The following ZGRF1 variants were observed in gnomAD, a reference collection of about 807,000 sequenced individuals.
The protein encoded by ZGRF1 is 5'-3' DNA helicase ZGRF1.
Under a neutral mutation model 203.5 loss-of-function variants are expected in ZGRF1, and 196 were observed. The ratio of observed to expected loss-of-function variants is 0.96; its 90% CI spans 0.86 to 1.08. The LOEUF is 1.08. Among genes scored for constraint, ZGRF1 ranks in the 50% least tolerant of loss-of-function variants. ZGRF1 has a pLI of 0.00. For missense variants in ZGRF1, 2,326 were observed against 2,416.3 expected (o/e 0.96, Z 0.78); for synonymous variants, 809 against 841.3 (o/e 0.96, Z 0.66).
At chr4:112,607,005 A>G (rs1486198739) in intron 8 of ZGRF1, among the ~76,000 whole-genome samples, 1 of 152,244 alleles carries the variant, frequency 6.6e-6, no homozygotes, top group African/African-American at 2.4e-5. Context: ...AACAGACCAG[A>G]GATAAAGTAG....
Position 112,589,884 on chromosome 4 carries a change from A to C in ZGRF1, c.2977-10T>G. 6.5e-7 allele frequency: 1 copy of C among 1,539,102 alleles called. No individual in the cohort carries two copies. The highest frequency in any genetic ancestry group is 8.7e-7 in the Non-Finnish European group (1 of 1,146,090). The stretch of plus-strand genomic sequence containing the variant: ...CTTCTGGTGATGTCACCTATACAGA[A>C]AGAAGAATCAAAACTACAGACCAAA... On this transcript the variant is annotated splice_polypyrimidine_tract_variant and intron_variant, in intron 10 of 27. Coordinates refer to ENST00000505019, the MANE Select transcript of ZGRF1 (RefSeq NM_018392.5).
Position 112,587,461 on chromosome 4 carries a change from G to C in ZGRF1, c.3596C>G (p.Ser1199Cys), listed in dbSNP as rs1377926723. Reference protein sequence around the residue: ...SDAVNESSLDSVHLQMIKGML... With the variant: ...SDAVNESSLDCVHLQMIKGML... ...GCCTTTTATCATTTGCAAATGCACA[G>C]AGTCTAAAGAGCTTTCATTGACAGC... is the stretch of plus-strand genomic sequence containing the variant. Residue 1199 changes from serine to cysteine, a missense_variant, in exon 12 of 28, where the codon TCT (serine) becomes TGT (cysteine). By Grantham distance (112) the Ser-to-Cys change is moderately radical. Transcript: ENST00000505019. 3.1e-6 allele frequency: 5 copies of C among 1,613,770 alleles called. No individual in the cohort carries two copies. The highest frequency in any genetic ancestry group is 2.2e-5 in the East Asian group (1 of 44,870).
At chr4:112,558,083 A>G (rs2148879369) in intron 20 of ZGRF1, 67 bp downstream of exon 20, 1 of 1,333,128 alleles carries the variant, frequency 7.5e-7, no homozygotes, top group East Asian at 2.5e-5. Context: ...CTCAGGGCCC[A>G]TAGTGGGTTG....
At chr4:112,614,019 ATT>A (rs779288254) in intron 6 of ZGRF1, among the ~76,000 whole-genome samples, 6 of 152,172 alleles carry the variant, frequency 3.9e-5, no homozygotes, top group Non-Finnish European at 7.4e-5. Context: ...GAAAATTGAT[ATT>A]GTTTTCCTTT....
intron 10 of ZGRF1, among the ~76,000 whole-genome samples, chr4:112,600,445 G>C (rs1749766243): frequency 6.6e-6 from 1 of 152,132 alleles, no homozygotes; most frequent in African/African-American, 2.4e-5. Context: ...TGTAATCCCA[G>C]TACTTTGGGA....
chr4:112,588,074 TTAA>T, intron 11 of ZGRF1, 145 bp from the exon 12 acceptor site: 1 of 536,640 alleles, frequency 1.9e-6, no homozygotes, highest in Non-Finnish European at 3.2e-6. Flanking sequence ...TAAAAAAAAA[TTAA>T]TGGTTTTAAC....
At chr4:112,591,766 T>G (rs538830510) in intron 10 of ZGRF1, among the ~76,000 whole-genome samples, 1 of 152,212 alleles carries the variant, frequency 6.6e-6, no homozygotes, top group Non-Finnish European at 1.5e-5. Flanking sequence ...TGTCATCTTA[T>G]CAGAGAGGCT....
In ZGRF1 at chr4:112,620,175, C is replaced by A; in HGVS notation, c.178G>T (p.Asp60Tyr). Reference sequence around the variant, plus strand: ...ATTAAGTATCGATCACTTTCTAAGTCATCTCCAGGTTTCACCTGAAAGAAT... The same window carrying A: ...ATTAAGTATCGATCACTTTCTAAGTAATCTCCAGGTTTCACCTGAAAGAAT... ...LKCLEVKPGD[D>Y]LESDRYLITV... Residue 60 changes from aspartate (D) to tyrosine (Y), a missense_variant, in exon 5 of 28, where the codon GAC becomes TAC. Asp to Tyr is a radical substitution (Grantham distance 160, BLOSUM62 -3). Coordinates refer to ENST00000505019, the MANE Select transcript of ZGRF1 (RefSeq NM_018392.5). 2 of 1,598,750 alleles carry A rather than the reference C, an allele frequency of 1.3e-6. No homozygotes were observed. Among genetic ancestry groups the A allele is most frequent in the South Asian group, 2.3e-5 (2 of 87,442 alleles).
chr4:112,617,212 T>G (rs560089157), intron 6 of ZGRF1, among the ~76,000 whole-genome samples: 2 of 152,358 alleles, frequency 1.3e-5, no homozygotes, highest in Admixed American at 6.5e-5. Context: ...TGGAAGGATA[T>G]TCTAGAAGAA....
chr4:112,585,614 T>C lies in ZGRF1; in HGVS notation c.4028A>G (p.Glu1343Gly). The change falls in exon 14 of 28, where the codon GAA (glutamate) becomes GGA (glycine). Residue 1343 changes from glutamate (E) to glycine (G), a missense_variant. Coordinates refer to ENST00000505019, the MANE Select transcript of ZGRF1 (RefSeq NM_018392.5). The part of the protein sequence containing the change: ...SLKGEKLKNA[E>G]NNVPSCHHSQ... ...ATGATGGCAGGATGGTACATTATTT[T>C]CTGCGTTTTTCAGTTTCTCTCCCTT... is the stretch of plus-strand genomic sequence containing the variant. 6.2e-7 allele frequency: 1 copy of C among 1,612,872 alleles called. No individual in the cohort carries two copies. The highest frequency in any genetic ancestry group is 8.5e-7 in the Non-Finnish European group (1 of 1,179,502).
At chr4:112,547,849 A>G (rs1422398913) in intron 23 of ZGRF1, among the ~76,000 whole-genome samples, 2 of 152,222 alleles carry the variant, frequency 1.3e-5, no homozygotes, top group Non-Finnish European at 2.9e-5. Flanking sequence ...AAAGTTTTAT[A>G]AACAAACCTA....
rs1330713380 is a variant in ZGRF1 at position 112,617,535 on chromosome 4, C to T, written c.2507G>A (p.Ser836Asn). The T allele has an allele frequency of 1.9e-6, 3 of 1,613,260 alleles. No homozygotes were observed. The highest frequency in any genetic ancestry group is 1.1e-5 in the South Asian group (1 of 90,812). ...ISILKSLCEH[S>N]TALDSLEILK... ...TATTTCCAAGCTGTCTAAAGCAGTA[C>T]TGTGTTCACATAGCGACTTTAAAAT... Residue 836 changes from serine (S) to asparagine (N), a missense_variant, in exon 6 of 28, where the codon AGT becomes AAT. Physicochemically the swap from Ser to Asn is conservative, Grantham distance 46. Transcript: ENST00000505019.
intron 16 of ZGRF1, among the ~76,000 whole-genome samples, chr4:112,573,900 TA>T: frequency 6.6e-6 from 1 of 152,126 alleles, no homozygotes. Context: ...CACATGTAAC[TA>T]AAAAACACAT....
intron 4 of ZGRF1, among the ~76,000 whole-genome samples, chr4:112,623,559 T>G (rs2047132038): frequency 6.6e-6 from 1 of 152,192 alleles, no homozygotes; most frequent in Non-Finnish European, 1.5e-5. Context: ...TGTTACTCTA[T>G]GAACATAAGC....
chr4:112,542,126 G>A (rs950151411), intron 24 of ZGRF1, among the ~76,000 whole-genome samples: 10 of 152,074 alleles, frequency 6.6e-5, no homozygotes, highest in African/African-American at 2.2e-4. Context: ...AGGATCACCT[G>A]AGGTCAGGAG....
chr4:112,610,897 G>C, intron 7 of ZGRF1: 1 of 258,116 alleles, frequency 3.9e-6, no homozygotes, highest in Non-Finnish European at 7.6e-6. Context: ...TAAGGGGAAA[G>C]GATATAAAAC....
intron 24 of ZGRF1, among the ~76,000 whole-genome samples, chr4:112,542,796 CTTTT>C (rs1737928915): frequency 1.3e-5 from 2 of 148,818 alleles, no homozygotes; most frequent in African/African-American, 4.9e-5. Flanking sequence ...TTCCTTCTTT[CTTTT>C]TTCTTTTCTT....
At chr4:112,613,067 G>A (rs2046745219) in intron 6 of ZGRF1, among the ~76,000 whole-genome samples, 1 of 152,182 alleles carries the variant, frequency 6.6e-6, no homozygotes, top group Non-Finnish European at 1.5e-5. Flanking sequence ...GCCAAGGCAG[G>A]CAGATCACTT....
chr4:112,561,069 C>T, intron 18 of ZGRF1, 74 bp from the exon 19 acceptor site: 1 of 1,180,346 alleles, frequency 8.5e-7, no homozygotes, highest in Non-Finnish European at 1.2e-6. Flanking sequence ...TAATTCATAA[C>T]TTAGCCATCA....
Sources: allele counts gnomAD v4.1 joint callset (sites outside exome capture counted in the v4.1 genomes callset), GRCh38; gene constraint gnomAD v4.1.1; transcripts MANE v1.5; gene names NCBI Gene and HGNC (gene_info 2026-07-23, HGNC 2026-07-21).